CLEC2L: variants seen among roughly 807,000 people sequenced by gnomAD.
CLEC2L encodes C-type lectin domain family 2 member L, also known as C-type lectin domain family 2, member L.
Under a neutral mutation model 23.6 loss-of-function variants are expected in CLEC2L, and 14 were observed. That is an observed-to-expected ratio of 0.59 (90% CI 0.39 to 0.93). CLEC2L has a LOEUF of 0.93. CLEC2L is among the 40% of genes least tolerant of loss of function. The pLI is 0.00. For synonymous variants in CLEC2L, 114 were observed against 121.3 expected, an observed-to-expected ratio of 0.94 and a Z score of 0.40; for missense variants, 264 against 282.4, an observed-to-expected ratio of 0.93 and a Z score of 0.47.
At chr7:139,525,289 T>C (rs528532299) in intron 1 of CLEC2L, among the ~76,000 whole-genome samples, 1 of 151,856 alleles carries the variant, frequency 6.6e-6, no homozygotes, top group East Asian at 1.9e-4. Context: ...AGGAGGGACA[T>C]AACCAGCAGC....
intron 1 of CLEC2L, among the ~76,000 whole-genome samples, chr7:139,530,587 C>T (rs1421613988): frequency 2.0e-5 from 3 of 152,022 alleles, no homozygotes; most frequent in Admixed American, 6.6e-5. Context: ...CCGAGGCTGG[C>T]GGATCACCTG....
intron 1 of CLEC2L, among the ~76,000 whole-genome samples, 151 bp downstream of exon 1, chr7:139,524,268 G>C (rs1244973992): frequency 2.0e-5 from 3 of 151,872 alleles, no homozygotes; most frequent in Admixed American, 2.0e-4. Flanking sequence ...ATTCATTTCA[G>C]GGCGGCCAGA....
chr7:139,534,326 TG>T, intron 1 of CLEC2L: 1 of 1,383,068 alleles, frequency 7.2e-7, no homozygotes, highest in South Asian at 1.2e-5. Context: ...AATGAATGCA[TG>T]GAAGGCGTTT....
chr7:139,537,163 CAT>C (rs1797671396), intron 2 of CLEC2L, among the ~76,000 whole-genome samples: 2 of 151,692 alleles, frequency 1.3e-5, no homozygotes, highest in East Asian at 3.9e-4. Context: ...AAGGAAAAAA[CAT>C]GTGCACTGAA....
rs1283962830 is a variant in CLEC2L, at chr7:139,544,516, G to C, written c.*174G>C. 1.7e-6 allele frequency: 1 copy of C among 598,240 alleles called. No homozygotes were observed. The highest frequency in any genetic ancestry group is 2.8e-5 in the East Asian group (1 of 36,208). 37.1% of individuals were successfully genotyped at this position (598,240 alleles called of 1,614,324 possible). A position where few individuals can be genotyped will look rare whatever the true frequency, so the allele number is the denominator to read the frequency against. Reference sequence around the variant, plus strand: ...TGGCGCTCTGAGTCCCTGGTTCCTGGCCTCCTTTGTCTGCAGGCAGGTCGT... The same window carrying C: ...TGGCGCTCTGAGTCCCTGGTTCCTGCCCTCCTTTGTCTGCAGGCAGGTCGT... On this transcript the variant is annotated 3_prime_UTR_variant, in exon 5 of 5. Coordinates refer to ENST00000422142, the MANE Select transcript of CLEC2L (RefSeq NM_001080511.4).
chr7:139,530,417 A>C (rs1218450139), intron 1 of CLEC2L, among the ~76,000 whole-genome samples: 1 of 152,170 alleles, frequency 6.6e-6, no homozygotes, highest in East Asian at 1.9e-4. Context: ...TGGGGCTGAG[A>C]ACAGGAGGAC....
chr7:139,544,082 C>G (rs1254178510), intron 4 of CLEC2L, 149 bp from the exon 5 acceptor site: 2 of 627,418 alleles, frequency 3.2e-6, no homozygotes, highest in East Asian at 2.7e-5. Flanking sequence ...CAAGCTAGAA[C>G]AGTCTGTTGG....
In CLEC2L at chr7:139,544,624, C is replaced by T; in HGVS notation, c.*282C>T. The T allele has an allele frequency of 2.4e-6, 1 of 411,576 alleles. No homozygotes were observed. The highest frequency in any genetic ancestry group is 3.2e-5 in the South Asian group (1 of 30,918). The allele number at this position is 411,576 out of a possible 1,614,324, so 25.5% of individuals were successfully genotyped here. A position where few individuals can be genotyped will look rare whatever the true frequency, so the allele number is the denominator to read the frequency against. On this transcript the variant is annotated 3_prime_UTR_variant, in exon 5 of 5. Transcript: ENST00000422142. ...ACACACACATGCATAGGTACACGCA[C>T]GCACAGACGCTGTCCCTTCTGAAGC...
intron 2 of CLEC2L, among the ~76,000 whole-genome samples, chr7:139,537,509 G>A (rs1797676086): frequency 6.6e-6 from 1 of 152,142 alleles, no homozygotes; most frequent in South Asian, 2.1e-4. Flanking sequence ...GGCTATTTTG[G>A]TAAGGTTTGC....
intron 3 of CLEC2L, among the ~76,000 whole-genome samples, chr7:139,541,219 G>A (rs1474164130): frequency 6.6e-6 from 1 of 152,048 alleles, no homozygotes; most frequent in African/African-American, 2.4e-5. Flanking sequence ...ATGTTGGCCA[G>A]GCTGGTCTCG....
chr7:139,536,452 T>C (rs574295998), intron 2 of CLEC2L, 104 bp downstream of exon 2: 92 of 981,304 alleles, frequency 9.4e-5, no homozygotes, highest in Admixed American at 4.7e-4. Flanking sequence ...AAGAATCCTG[T>C]GGGGGACTAA....
Position 139,540,518 on chromosome 7 carries a change from G to A in CLEC2L, c.432+31G>A, listed in dbSNP as rs1327149007. ...TGTGCCAAGGTGAAGGGGGTTGGGGGAAGGGACCCTCAGGGCCCCCAACCT... is the reference window on the plus strand; with the variant it reads ...TGTGCCAAGGTGAAGGGGGTTGGGGAAAGGGACCCTCAGGGCCCCCAACCT... On this transcript the variant is annotated intron_variant, in intron 3 of 4. Coordinates refer to ENST00000422142, the MANE Select transcript of CLEC2L (RefSeq NM_001080511.4). The surrounding 1 kb of genome is among the most constrained non-coding windows in gnomAD (Gnocchi z 5.8). 1.3e-6 allele frequency: 2 copies of A among 1,566,320 alleles called. No individual in the cohort carries two copies. The highest frequency in any genetic ancestry group is 1.7e-6 in the Non-Finnish European group (2 of 1,156,294).
chr7:139,541,863 T>C (rs940326152), intron 3 of CLEC2L, among the ~76,000 whole-genome samples, 158 bp from the exon 4 acceptor site: 3 of 152,216 alleles, frequency 2.0e-5, no homozygotes, highest in African/African-American at 4.8e-5. Flanking sequence ...TCCTGTAACC[T>C]AGCTCCTTAC....
intron 1 of CLEC2L, among the ~76,000 whole-genome samples, chr7:139,528,003 G>GT (rs1797529361): frequency 6.6e-6 from 1 of 152,136 alleles, no homozygotes; most frequent in Admixed American, 6.6e-5. Context: ...TGGGAGTCAG[G>GT]TTTTTTCAGT....
At chr7:139,524,517 C>G (rs2116538964) in intron 1 of CLEC2L, among the ~76,000 whole-genome samples, 1 of 152,196 alleles carries the variant, frequency 6.6e-6, no homozygotes. Context: ...GCTGGAGACC[C>G]CAGAGGTGGT....
intron 1 of CLEC2L, among the ~76,000 whole-genome samples, chr7:139,528,868 A>G (rs922209213): frequency 6.6e-6 from 1 of 152,138 alleles, no homozygotes; most frequent in Non-Finnish European, 1.5e-5. Flanking sequence ...GCACCTAGAG[A>G]AATTATCCCT....
rs1797780428 is a variant in CLEC2L, at chr7:139,544,448, C to T, written c.*106C>T. ...GCCGCCTGCCCTCTGCAAGGCGAAG[C>T]GGTGGGTGCGTGGCCTCCGCCCCAG... is the stretch of plus-strand genomic sequence containing the variant. On this transcript the variant is annotated 3_prime_UTR_variant, in exon 5 of 5. Coordinates refer to ENST00000422142, the MANE Select transcript of CLEC2L (RefSeq NM_001080511.4). The T allele has an allele frequency of 2.5e-6, 2 of 789,318 alleles. No individual in the cohort carries two copies. Among genetic ancestry groups the T allele is most frequent in the Admixed American group, 4.6e-5 (2 of 43,826 alleles). 48.9% of individuals were successfully genotyped at this position (789,318 alleles called of 1,614,324 possible).
chr7:139,536,303 ATCGC>A lies in CLEC2L; in HGVS notation c.221_224del (p.Ile74ArgfsTer10). ...CACCACACGCCTCCTGCTGGGTGCCATCGCGGTCCTTCTGTTCGCCATCTTGGTG... is the reference window on the plus strand; with the variant it reads ...CACCACACGCCTCCTGCTGGGTGCCAGGTCCTTCTGTTCGCCATCTTGGTG... On this transcript the variant is annotated frameshift_variant, in exon 2 of 5. Transcript: ENST00000422142. LOFTEE classifies it high-confidence loss of function. The A allele has an allele frequency of 6.4e-7, 1 of 1,550,994 alleles. No individual in the cohort carries two copies. The highest frequency in any genetic ancestry group is 8.7e-7 in the Non-Finnish European group (1 of 1,146,748).
At chr7:139,526,536 T>C (rs1797509923) in intron 1 of CLEC2L, among the ~76,000 whole-genome samples, 1 of 152,208 alleles carries the variant, frequency 6.6e-6, no homozygotes, top group Admixed American at 6.5e-5. Flanking sequence ...GGTACCATTC[T>C]GGGCCCTGGG....
Sources: gnomAD v4.1 joint callset for allele counts (sites outside exome capture counted in the v4.1 genomes callset) on GRCh38, gnomAD v4.1.1 for gene constraint, Gnocchi (gnomAD v3.1) non-coding constraint, MANE v1.5 for transcripts, NCBI Gene and HGNC (gene_info 2026-07-23, HGNC 2026-07-21) for gene names.